TEX11: variants seen among roughly 807,000 people sequenced by gnomAD.
TEX11 encodes the protein testis expressed 11.
A neutral mutation model predicts 84.4 loss-of-function variants in TEX11; 7 were observed. That is an observed-to-expected ratio of 0.08 (90% CI 0.05 to 0.16). TEX11 has a LOEUF of 0.16. TEX11 is among the 10% of genes least tolerant of loss of function. The pLI, the probability that TEX11 is intolerant of heterozygous loss-of-function variation, is 1.00. For synonymous variants in TEX11, 264 were observed against 222.8 expected (o/e 1.18, Z -1.64); for missense variants, 551 against 660.5 (o/e 0.83, Z 1.82).
intron 11 of TEX11, among the ~76,000 whole-genome samples, chrX:70,729,455 A>C (rs2090627002): frequency 8.9e-6 from 1 of 111,974 alleles, no homozygotes; most frequent in African/African-American, 3.2e-5. Context: ...AATACAGAGA[A>C]GTCCTTAAAG....
At chrX:70,545,061 C>T (rs765082646) in intron 28 of TEX11, among the ~76,000 whole-genome samples, 2 of 108,940 alleles carry the variant, frequency 1.8e-5, no homozygotes, top group East Asian at 5.8e-4. Context: ...AAAAATTAGC[C>T]GGGTGTGGTG....
intron 13 of TEX11, among the ~76,000 whole-genome samples, chrX:70,710,280 CT>C (rs976668579): frequency 9.0e-6 from 1 of 111,238 alleles, no homozygotes; most frequent in Non-Finnish European, 1.9e-5. Flanking sequence ...TAGATGTGAT[CT>C]TTTTTGTTTT....
At chrX:70,904,973 G>A (rs868387889) in intron 2 of TEX11, among the ~76,000 whole-genome samples, 4 of 111,670 alleles carry the variant, frequency 3.6e-5, no homozygotes, top group African/African-American at 9.7e-5. Context: ...TCAGTTGGAC[G>A]GCACTGCCCT....
At chrX:70,581,927 C>G (rs75527771) in intron 25 of TEX11, among the ~76,000 whole-genome samples, 5,770 of 111,525 alleles carry the variant, frequency 0.052, 295 homozygotes, top group Admixed American at 0.23. Context: ...GACAGTAGTT[C>G]TCAAACTTTC....
intron 25 of TEX11, among the ~76,000 whole-genome samples, chrX:70,563,685 A>C (rs1748273336): frequency 8.9e-6 from 1 of 112,527 alleles, no homozygotes; most frequent in African/African-American, 3.2e-5. Flanking sequence ...TATCAGATTG[A>C]GGAAGTGACT....
chrX:70,751,550 G>C (rs1246245479), intron 9 of TEX11, among the ~76,000 whole-genome samples: 1 of 107,942 alleles, frequency 9.3e-6, no homozygotes, highest in Non-Finnish European at 1.9e-5. Flanking sequence ...GAGTTACTGT[G>C]TGCAGCACAC....
intron 25 of TEX11, among the ~76,000 whole-genome samples, chrX:70,561,258 G>T (rs1409466907): frequency 9.2e-6 from 1 of 108,969 alleles, no homozygotes; most frequent in Non-Finnish European, 1.9e-5. Context: ...AGATTACTAG[G>T]CATTTGATGG....
chrX:70,572,304 C>A lies in TEX11; in HGVS notation c.2141-17504G>T, dbSNP rs1399953442. 9.9e-5 allele frequency among the ~76,000 whole-genome samples: 11 copies of A among 111,631 alleles called. No homozygotes were observed. In the East Asian group the frequency reaches 2.5e-3, roughly 26 times the overall value. On this transcript the variant is annotated intron_variant, in intron 25 of 29. Coordinates refer to ENST00000374333, the MANE Select transcript of TEX11 (RefSeq NM_031276.3). ...TGCAAATCAAAACCACAATGAGATA[C>A]CATCTCACACCAGTTAGAATGGCGA...
chrX:70,751,392 C>G (rs1348179172), intron 9 of TEX11, among the ~76,000 whole-genome samples: 1 of 100,739 alleles, frequency 9.9e-6, no homozygotes, highest in Non-Finnish European at 2.0e-5. Context: ...GACAAAAAAC[C>G]AAACACCACA....
At chrX:70,576,843 G>A (rs928350003) in intron 25 of TEX11, among the ~76,000 whole-genome samples, 1 of 112,061 alleles carries the variant, frequency 8.9e-6, no homozygotes, top group African/African-American at 3.2e-5. Context: ...CCAAGGGGAG[G>A]AGCACACCCT....
At chrX:70,714,822 T>A (rs1663822828) in intron 13 of TEX11, among the ~76,000 whole-genome samples, 1 of 111,932 alleles carries the variant, frequency 8.9e-6, no homozygotes, top group Admixed American at 9.5e-5. Context: ...TATGTGAATT[T>A]GACCCTGTCA....
At chrX:70,750,927 AAAAAAAAT>A (rs2090814054) in intron 9 of TEX11, among the ~76,000 whole-genome samples, 1 of 25,799 alleles carries the variant, frequency 3.9e-5, no homozygotes, top group Admixed American at 4.7e-4. Flanking sequence ...ATAATAAAAA[AAAAAAAAT>A]ATATATATAT....
intron 29 of TEX11, 109 bp from the exon 30 acceptor site, chrX:70,529,296 T>C: frequency 1.9e-6 from 1 of 532,261 alleles, no homozygotes; most frequent in Non-Finnish European, 3.1e-6. Flanking sequence ...TTCGGAGATC[T>C]GAAGCATCTC....
At chrX:70,720,770 T>TA (rs1223081434) in intron 13 of TEX11, among the ~76,000 whole-genome samples, 13 of 105,489 alleles carry the variant, frequency 1.2e-4, no homozygotes, top group East Asian at 2.9e-4. Context: ...TATACATATA[T>TA]ATAATATATA....
chrX:70,869,888 TA>T (rs1157492218), intron 4 of TEX11, among the ~76,000 whole-genome samples: 1 of 112,251 alleles, frequency 8.9e-6, no homozygotes, highest in Non-Finnish European at 1.9e-5. Flanking sequence ...TCCAGCTGTT[TA>T]TAGTTATCAC....
At chrX:70,679,298 C>T (rs1420896152) in intron 14 of TEX11, among the ~76,000 whole-genome samples, 6 of 110,765 alleles carry the variant, frequency 5.4e-5, no homozygotes, top group African/African-American at 2.0e-4. Context: ...ACAACCTTCA[C>T]CTCCCAGCCG....
intron 9 of TEX11, among the ~76,000 whole-genome samples, chrX:70,799,258 G>C (rs899349589): frequency 2.1e-4 from 23 of 111,736 alleles, no homozygotes; most frequent in African/African-American, 6.2e-4. Flanking sequence ...CATTAACTGA[G>C]GAAAAATGGG....
chrX:70,674,522 T>C (rs1464009979), intron 15 of TEX11, among the ~76,000 whole-genome samples: 1 of 112,296 alleles, frequency 8.9e-6, no homozygotes, highest in Non-Finnish European at 1.9e-5. Flanking sequence ...ACCAACAGTA[T>C]ATAAGTGTTC....
At chrX:70,667,457 G>C (rs1364620410) in intron 16 of TEX11, among the ~76,000 whole-genome samples, 1 of 111,973 alleles carries the variant, frequency 8.9e-6, no homozygotes, top group Non-Finnish European at 1.9e-5. Context: ...GCCTAGAACA[G>C]TACTTAACAC....
Sources: gnomAD v4.1 joint callset for allele counts (sites outside exome capture counted in the v4.1 genomes callset) on GRCh38, gnomAD v4.1.1 for gene constraint, MANE v1.5 for transcripts, NCBI Gene and HGNC (gene_info 2026-07-23, HGNC 2026-07-21) for gene names.